Variants in BOC observed in about 807,000 individuals in gnomAD.
BOC encodes BOC cell adhesion associated, oncogene regulated.
Under a neutral mutation model 112.0 loss-of-function variants are expected in BOC, and 76 were observed. That is an observed-to-expected ratio of 0.68 (90% CI 0.56 to 0.82). The LOEUF (loss-of-function observed/expected upper bound fraction) is 0.82, where lower values mean the gene tolerates loss of function less well. BOC is among the 40% of genes least tolerant of loss of function. The pLI is 0.00. For synonymous variants in BOC, 580 were observed against 599.8 expected, an observed-to-expected ratio of 0.97 and a Z score of 0.48; for missense variants, 1,309 against 1,511.7, an observed-to-expected ratio of 0.87 and a Z score of 2.22.
Position 113,280,555 on chromosome 3 carries a change from T to C in BOC, c.2206-3T>C. 6.3e-7 allele frequency: 1 copy of C among 1,591,244 alleles called. No homozygotes were observed. The highest frequency in any genetic ancestry group is 1.3e-5 in the African/African-American group (1 of 74,534). Reference sequence around the variant, plus strand: ...CAACTTGTTTCTTCTCCATTCCCTATAGTACATCCCAGCAAGTAACAACAA... The same window carrying C: ...CAACTTGTTTCTTCTCCATTCCCTACAGTACATCCCAGCAAGTAACAACAA... On this transcript the variant is annotated splice_region_variant and splice_polypyrimidine_tract_variant and intron_variant, in intron 13 of 19. Transcript: ENST00000682979.
At chr3:113,263,726 C>A (rs979370351) in intron 4 of BOC, among the ~76,000 whole-genome samples, 2 of 152,220 alleles carry the variant, frequency 1.3e-5, no homozygotes, top group African/African-American at 4.8e-5. Context: ...ATTCATAGCT[C>A]TGCCAAGCCT....
intron 1 of BOC, among the ~76,000 whole-genome samples, chr3:113,215,939 A>G (rs1939284024): frequency 6.6e-6 from 1 of 152,232 alleles, no homozygotes; most frequent in African/African-American, 2.4e-5. Flanking sequence ...ACTGCTGAAC[A>G]TAAAGGTAAT....
rs1416360579 is a variant in BOC, at chr3:113,247,014, A to G, written c.-81-2708A>G. Among the ~76,000 whole-genome samples, 4 of 152,314 alleles carry G rather than the reference A, an allele frequency of 2.6e-5. No homozygotes were observed. In the East Asian group the frequency reaches 5.8e-4, roughly 22 times the overall value. ...GAGAGGGTCTGGGCTGAATTTCCTC[A>G]GTAAAATATTTGTTGCTGTTACAAC... On this transcript the variant is annotated intron_variant, in intron 2 of 19. Transcript: ENST00000682979.
intron 4 of BOC, among the ~76,000 whole-genome samples, chr3:113,256,035 C>T (rs975225696): frequency 6.6e-6 from 1 of 152,198 alleles, no homozygotes; most frequent in Non-Finnish European, 1.5e-5. Flanking sequence ...AATTACATCA[C>T]CAGTCTCATG....
chr3:113,215,254 G>A (rs552792087), intron 1 of BOC, among the ~76,000 whole-genome samples: 237 of 152,286 alleles, frequency 1.6e-3, no homozygotes, highest in South Asian at 9.1e-3. Flanking sequence ...TTTATGAAAA[G>A]CTTGCCTAAA....
chr3:113,270,722 G>A (rs1576469373), intron 5 of BOC, 79 bp from the exon 6 acceptor site: 1 of 1,502,856 alleles, frequency 6.7e-7, no homozygotes, highest in Non-Finnish European at 9.0e-7. Context: ...CTCCCTCCGT[G>A]CACCTCTCCT....
At chr3:113,219,905 C>G (rs79344936) in intron 2 of BOC, among the ~76,000 whole-genome samples, 1 of 152,258 alleles carries the variant, frequency 6.6e-6, no homozygotes, top group East Asian at 1.9e-4. Context: ...TTCTTCCCCC[C>G]TCCCCTGGGA....
chr3:113,285,571 T>C lies in BOC; in HGVS notation c.3160+6T>C. On this transcript the variant is annotated splice_donor_region_variant and intron_variant, in intron 19 of 19. Coordinates refer to ENST00000682979, the MANE Select transcript of BOC (RefSeq NM_001378074.1). Reference sequence around the variant, plus strand: ...GGACCCTCCATTTCACTCAGGTTGGTTCCAGGAGCAGGGCAGGGAAATTAA... The same window carrying C: ...GGACCCTCCATTTCACTCAGGTTGGCTCCAGGAGCAGGGCAGGGAAATTAA... The C allele has an allele frequency of 6.4e-7, 1 of 1,566,936 alleles. No individual in the cohort carries two copies. Among genetic ancestry groups the C allele is most frequent in the Non-Finnish European group, 8.7e-7 (1 of 1,155,648 alleles).
intron 4 of BOC, among the ~76,000 whole-genome samples, chr3:113,252,203 T>C (rs1271777552): frequency 1.3e-5 from 2 of 152,216 alleles, no homozygotes; most frequent in Non-Finnish European, 2.9e-5. Context: ...ATTTGGCCCC[T>C]TTCCTGGCGC....
In BOC at chr3:113,272,738, C is replaced by T. The variant is rs757240643; in HGVS notation, c.961+35C>T. On this transcript the variant is annotated intron_variant, in intron 7 of 19. Coordinates refer to ENST00000682979, the MANE Select transcript of BOC (RefSeq NM_001378074.1). ...TGCTGTGGACTGTCTTCTGCTTGGC[C>T]TTCTCTCTGGTCTGTGCAGCCTTTC... 1.9e-6 allele frequency: 3 copies of T among 1,606,230 alleles called. No individual in the cohort carries two copies. In the Admixed American group the frequency reaches 5.0e-5, roughly 27 times the overall value.
chr3:113,280,012 G>A lies in BOC; in HGVS notation c.2205+7G>A, dbSNP rs555529684. 11 of 1,598,074 alleles carry A rather than the reference G, an allele frequency of 6.9e-6. No individual in the cohort carries two copies. Among genetic ancestry groups the A allele is most frequent in the East Asian group, 4.5e-5 (2 of 44,510 alleles). On this transcript the variant is annotated splice_region_variant and intron_variant, in intron 13 of 19. Transcript: ENST00000682979. ...CATCATGCTCAAGTGGATGGTAAGC[G>A]GGCCTGGCCGTGGACTGCAGTGGAA...
At chr3:113,268,940 G>A (rs1947814399) in intron 5 of BOC, among the ~76,000 whole-genome samples, 1 of 152,210 alleles carries the variant, frequency 6.6e-6, no homozygotes, top group Non-Finnish European at 1.5e-5. Flanking sequence ...CCCAAAGCAG[G>A]TGGCTTCCAT....
At chr3:113,273,002 T>G in intron 7 of BOC, 67 bp from the exon 8 acceptor site, 22 of 1,540,070 alleles carry the variant, frequency 1.4e-5, no homozygotes, top group Non-Finnish European at 1.9e-5. Flanking sequence ...ACTACATCCC[T>G]CCCAGCCCAT....
Position 113,287,013 on chromosome 3 carries a change from A to C in BOC, c.*151A>C, listed in dbSNP as rs747717602. 6.5e-6 allele frequency: 6 copies of C among 927,898 alleles called. No homozygotes were observed. In the South Asian group the frequency reaches 8.6e-5, roughly 13 times the overall value. The allele number at this position is 927,898 out of a possible 1,614,324, so 57.5% of individuals were successfully genotyped here. On this transcript the variant is annotated 3_prime_UTR_variant, in exon 20 of 20. Coordinates refer to ENST00000682979, the MANE Select transcript of BOC (RefSeq NM_001378074.1). The stretch of plus-strand genomic sequence containing the variant: ...TGTAAATAAATGTATATGTTTTATA[A>C]TTCTGGAGAGACATAAGGAGTCCTA...
intron 4 of BOC, among the ~76,000 whole-genome samples, chr3:113,268,074 C>T (rs1445547281): frequency 6.6e-6 from 1 of 152,174 alleles, no homozygotes; most frequent in African/African-American, 2.4e-5. Flanking sequence ...CTGCACCTTT[C>T]CCCAGCTTGT....
At chr3:113,247,379 G>C (rs1945048439) in intron 2 of BOC, among the ~76,000 whole-genome samples, 1 of 151,708 alleles carries the variant, frequency 6.6e-6, no homozygotes, top group African/African-American at 2.4e-5. Context: ...GGAAAATTGA[G>C]AGGAAACCAA....
chr3:113,280,422 C>A, intron 13 of BOC, 136 bp from the exon 14 acceptor site: 1 of 668,788 alleles, frequency 1.5e-6, no homozygotes, highest in South Asian at 1.8e-5. Context: ...TCAGGGATAT[C>A]ATTAGAAATC....
Position 113,251,083 on chromosome 3 carries a change from G to A in BOC, c.376+250G>A, listed in dbSNP as rs891265463. The A allele has an allele frequency of 2.0e-5, 12 of 605,060 alleles. No homozygotes were observed. In the African/African-American group the frequency reaches 2.0e-4, roughly 10 times the overall value. 37.5% of individuals were successfully genotyped at this position (605,060 alleles called of 1,614,324 possible). ...TGTCTACAGAGAGGGGAATTGGTCA[G>A]TGCATGGCAGAACTTGACATGGCAG... On this transcript the variant is annotated intron_variant, in intron 4 of 19. Coordinates refer to ENST00000682979, the MANE Select transcript of BOC (RefSeq NM_001378074.1).
At chr3:113,270,727 T>G (rs550982275) in intron 5 of BOC, 74 bp from the exon 6 acceptor site, 1 of 1,517,342 alleles carries the variant, frequency 6.6e-7, no homozygotes, top group East Asian at 2.3e-5. Context: ...TCCGTGCACC[T>G]CTCCTTTGTG....
Sources: gnomAD v4.1 joint callset for allele counts (sites outside exome capture counted in the v4.1 genomes callset) on GRCh38, gnomAD v4.1.1 for gene constraint, MANE v1.5 for transcripts, NCBI Gene and HGNC (gene_info 2026-07-23, HGNC 2026-07-21) for gene names.